The following SEMA6D variants were observed in gnomAD, a reference collection of about 807,000 sequenced individuals.
SEMA6D encodes semaphorin-6D.
In SEMA6D, 35 loss-of-function variants were observed where a neutral mutation model predicts 106.6. That is an observed-to-expected ratio of 0.33 (90% confidence interval 0.25 to 0.44). SEMA6D has a LOEUF of 0.44. Ranked by LOEUF, SEMA6D falls within the 20% of genes least tolerant of loss-of-function variation. The pLI is 1.00. For synonymous variants in SEMA6D, 499 were observed against 487.7 expected (o/e 1.02, Z -0.31); for missense variants, 1,185 against 1,345.9 (o/e 0.88, Z 1.87).
chr15:47,425,055 G>A (rs2041286148), intron 2 of SEMA6D, among the ~76,000 whole-genome samples: 2 of 152,214 alleles, frequency 1.3e-5, no homozygotes, highest in East Asian at 1.9e-4. Flanking sequence ...GGGTGAAACT[G>A]CACTGTGAAC....
intron 4 of SEMA6D, among the ~76,000 whole-genome samples, chr15:47,648,573 T>G (rs757115199): frequency 4.6e-5 from 7 of 152,142 alleles, no homozygotes; most frequent in African/African-American, 9.7e-5. Context: ...TAATTGCTTG[T>G]TTTTGAAGGT....
intron 4 of SEMA6D, among the ~76,000 whole-genome samples, chr15:47,672,179 C>T (rs750691695): frequency 3.3e-5 from 5 of 152,150 alleles, no homozygotes; most frequent in Non-Finnish European, 5.9e-5. Flanking sequence ...AGAGGTCTCA[C>T]GCAGAGCCAG....
intron 1 of SEMA6D, among the ~76,000 whole-genome samples, chr15:47,262,147 C>T (rs1312496211): frequency 6.6e-6 from 1 of 151,964 alleles, no homozygotes; most frequent in Admixed American, 6.6e-5. Context: ...AAAATCTCTA[C>T]GAGGAGAACG....
At chr15:47,295,132 G>A (rs1034848920) in intron 1 of SEMA6D, among the ~76,000 whole-genome samples, 2 of 152,174 alleles carry the variant, frequency 1.3e-5, no homozygotes, top group African/African-American at 4.8e-5. Flanking sequence ...AAAGGCCTGT[G>A]TTTATTATCT....
At chr15:47,579,504 A>T (rs141950498) in intron 3 of SEMA6D, among the ~76,000 whole-genome samples, 1 of 152,250 alleles carries the variant, frequency 6.6e-6, no homozygotes, top group Admixed American at 6.5e-5. Flanking sequence ...AATTGAGGAA[A>T]TGCCCTATGT....
intron 1 of SEMA6D, 102 bp downstream of exon 1, chr15:47,717,794 T>TGTGTGTGTGTGTGC (rs1379079967): frequency 6.0e-5 from 8 of 132,962 alleles, no homozygotes; most frequent in African/African-American, 3.0e-4. Context: ...TGTGTGTGTG[T>TGTGTGTGTGTGTGC]GCGCGCGGTG....
chr15:47,762,165 T>C (rs1408095071), intron 7 of SEMA6D, 35 bp from the exon 8 acceptor site: 2 of 1,612,970 alleles, frequency 1.2e-6, no homozygotes, highest in East Asian at 2.2e-5. Flanking sequence ...AGGATAATTA[T>C]GGTTATCTTA....
At chr15:47,353,857 C>T (rs971701686) in intron 1 of SEMA6D, among the ~76,000 whole-genome samples, 19 of 152,066 alleles carry the variant, frequency 1.2e-4, no homozygotes, top group African/African-American at 4.1e-4. Context: ...AAGACTGTTA[C>T]ATGCAGAATC....
At chr15:47,424,350 A>C (rs2041264720) in intron 2 of SEMA6D, among the ~76,000 whole-genome samples, 1 of 151,576 alleles carries the variant, frequency 6.6e-6, no homozygotes, top group South Asian at 2.1e-4. Context: ...TGAAATAAGA[A>C]AAAAAAAAGA....
At chr15:47,528,611 A>G (rs1596248336) in intron 3 of SEMA6D, among the ~76,000 whole-genome samples, 2 of 152,312 alleles carry the variant, frequency 1.3e-5, no homozygotes, top group Non-Finnish European at 1.5e-5. Flanking sequence ...ATGGTTCAAT[A>G]AGGCCCACCA....
At chr15:47,506,354 G>A (rs1161440042) in intron 3 of SEMA6D, among the ~76,000 whole-genome samples, 3 of 151,954 alleles carry the variant, frequency 2.0e-5, no homozygotes, top group Admixed American at 6.6e-5. Flanking sequence ...CTTTAGTATC[G>A]TTTTGTGTCT....
intron 3 of SEMA6D, among the ~76,000 whole-genome samples, chr15:47,511,460 G>A (rs937545434): frequency 6.6e-6 from 1 of 152,142 alleles, no homozygotes; most frequent in Admixed American, 6.5e-5. Flanking sequence ...TTGGCCAGCA[G>A]TATAACCTCT....
At chr15:47,432,531 TAC>T (rs2041565897) in intron 2 of SEMA6D, among the ~76,000 whole-genome samples, 11 of 103,202 alleles carry the variant, frequency 1.1e-4, no homozygotes, top group Non-Finnish European at 2.1e-5. Flanking sequence ...CATATATACA[TAC>T]ACATATGTGT....
At chr15:47,202,530 C>T (rs1235412007) in intron 1 of SEMA6D, among the ~76,000 whole-genome samples, 2 of 152,098 alleles carry the variant, frequency 1.3e-5, no homozygotes, top group Admixed American at 6.6e-5. Context: ...ATGGACACCA[C>T]GCCTCCTCCC....
intron 3 of SEMA6D, among the ~76,000 whole-genome samples, chr15:47,542,479 C>G (rs1445333659): frequency 6.6e-6 from 1 of 152,094 alleles, no homozygotes; most frequent in Non-Finnish European, 1.5e-5. Flanking sequence ...CTTGTTTGGC[C>G]TGGTGATTTA....
intron 4 of SEMA6D, among the ~76,000 whole-genome samples, chr15:47,625,851 A>G (rs183289095): frequency 1.3e-5 from 2 of 152,316 alleles, no homozygotes; most frequent in East Asian, 3.9e-4. Context: ...GTGATAAAAT[A>G]TAGATAAATA....
intron 3 of SEMA6D, among the ~76,000 whole-genome samples, chr15:47,558,259 C>T (rs1179814176): frequency 6.6e-6 from 1 of 152,046 alleles, no homozygotes; most frequent in Admixed American, 6.6e-5. Flanking sequence ...GAGCTTTATT[C>T]ATTAATTCAT....
At chr15:47,616,254 C>G (rs568171700) in intron 4 of SEMA6D, among the ~76,000 whole-genome samples, 1 of 152,164 alleles carries the variant, frequency 6.6e-6, no homozygotes, top group South Asian at 2.1e-4. Context: ...ACTGCAGCCT[C>G]CACCTCACAG....
chr15:47,352,911 A>G (rs1307289330), intron 1 of SEMA6D, among the ~76,000 whole-genome samples: 1 of 152,228 alleles, frequency 6.6e-6, no homozygotes, highest in Non-Finnish European at 1.5e-5. Context: ...ATAGAATTTC[A>G]TGAAACGGTT....
Sources: allele counts gnomAD v4.1 joint callset (sites outside exome capture counted in the v4.1 genomes callset), GRCh38; gene constraint gnomAD v4.1.1; transcripts MANE v1.5; gene names NCBI Gene and HGNC (gene_info 2026-07-23, HGNC 2026-07-21).